CTIF: variants seen among roughly 807,000 people sequenced by gnomAD.
The protein encoded by CTIF is CBP80/20-dependent translation initiation factor.
Under a neutral mutation model 66.0 loss-of-function variants are expected in CTIF, and 21 were observed. That is an observed-to-expected ratio of 0.32 (90% confidence interval 0.23 to 0.46). The LOEUF (loss-of-function observed/expected upper bound fraction) is 0.46, where lower values mean the gene tolerates loss of function less well. Ranked by LOEUF, CTIF falls within the 20% of genes least tolerant of loss-of-function variation. The probability of loss-of-function intolerance (pLI) is 1.00; values close to 1 mark genes in which losing one functional copy is unlikely to be tolerated. For missense variants in CTIF, 739 were observed against 812.7 expected (o/e 0.91, Z 1.10); for synonymous variants, 345 against 326.4 (o/e 1.06, Z -0.62).
At chr18:48,713,879 C>T (rs1051861290) in intron 7 of CTIF, among the ~76,000 whole-genome samples, 5 of 152,206 alleles carry the variant, frequency 3.3e-5, no homozygotes, top group Non-Finnish European at 7.3e-5. Context: ...CAAGTCAGAG[C>T]AGCAGCCATG....
chr18:48,675,158 A>AGTG (rs1568125171), intron 6 of CTIF, among the ~76,000 whole-genome samples: 21 of 150,906 alleles, frequency 1.4e-4, no homozygotes, highest in Admixed American at 3.3e-4. Flanking sequence ...TAGGGCAGGC[A>AGTG]GACACTGAGA....
intron 9 of CTIF, among the ~76,000 whole-genome samples, chr18:48,787,628 G>C (rs567235598): frequency 1.3e-5 from 2 of 152,282 alleles, no homozygotes; most frequent in South Asian, 4.1e-4. Context: ...TCATGGTTGA[G>C]TCTGCCCCCT....
chr18:48,702,443 CCTT>C (rs369034577), intron 6 of CTIF, among the ~76,000 whole-genome samples: 5 of 152,178 alleles, frequency 3.3e-5, no homozygotes, highest in African/African-American at 1.2e-4. Flanking sequence ...TGAGTGAAGC[CCTT>C]CTTCTAGAAA....
intron 9 of CTIF, among the ~76,000 whole-genome samples, chr18:48,780,051 G>A (rs931826347): frequency 6.6e-6 from 1 of 152,164 alleles, no homozygotes; most frequent in African/African-American, 2.4e-5. Flanking sequence ...TCTCAGATGA[G>A]GCTGTGTACC....
At chr18:48,698,515 A>G (rs1045542403) in intron 6 of CTIF, among the ~76,000 whole-genome samples, 52 of 152,328 alleles carry the variant, frequency 3.4e-4, no homozygotes, top group African/African-American at 1.3e-3. Context: ...GTACAGCCCA[A>G]TTCTCCATTT....
chr18:48,614,679 G>C (rs528251367), intron 1 of CTIF, among the ~76,000 whole-genome samples: 1 of 152,318 alleles, frequency 6.6e-6, no homozygotes, highest in Non-Finnish European at 1.5e-5. Context: ...AATTCATAGA[G>C]AGAAGGGTGA....
At chr18:48,784,417 G>A (rs1599037947) in intron 9 of CTIF, among the ~76,000 whole-genome samples, 2 of 152,216 alleles carry the variant, frequency 1.3e-5, no homozygotes, top group African/African-American at 4.8e-5. Flanking sequence ...TGTGCACTGG[G>A]GGCTGAGGTG....
intron 7 of CTIF, among the ~76,000 whole-genome samples, chr18:48,726,071 A>G (rs2092384627): frequency 1.3e-5 from 2 of 152,328 alleles, no homozygotes; most frequent in South Asian, 4.1e-4. Context: ...ACCTTGTAAG[A>G]GTGTTCTGCA....
chr18:48,560,447 G>A (rs192764633), intron 1 of CTIF, among the ~76,000 whole-genome samples: 52 of 152,122 alleles, frequency 3.4e-4, no homozygotes, highest in Non-Finnish European at 6.2e-4. Context: ...GGATGGTCTC[G>A]ATCTCCTGAC....
chr18:48,839,008 G>A (rs756820522), intron 10 of CTIF, among the ~76,000 whole-genome samples: 26 of 152,142 alleles, frequency 1.7e-4, no homozygotes, highest in Non-Finnish European at 2.6e-4. Flanking sequence ...AGGCTGTGCC[G>A]GCTACAGCCC....
intron 1 of CTIF, among the ~76,000 whole-genome samples, chr18:48,540,492 C>A (rs1367733543): frequency 6.6e-6 from 1 of 150,760 alleles, no homozygotes; most frequent in Non-Finnish European, 1.5e-5. Context: ...CCGAGTGTTT[C>A]TCTATTGATG....
At chr18:48,856,219 G>A (rs1191809719) in intron 10 of CTIF, among the ~76,000 whole-genome samples, 2 of 152,206 alleles carry the variant, frequency 1.3e-5, no homozygotes, top group Non-Finnish European at 2.9e-5. Flanking sequence ...AGTGCTGCTG[G>A]GGCTTCAAGA....
chr18:48,563,066 G>A (rs1189149020), intron 1 of CTIF, among the ~76,000 whole-genome samples: 2 of 152,234 alleles, frequency 1.3e-5, no homozygotes, highest in African/African-American at 4.8e-5. Context: ...AGGAGCTTTA[G>A]CATAGCACCC....
At chr18:48,654,785 T>C (rs189740963) in intron 3 of CTIF, among the ~76,000 whole-genome samples, 2 of 152,316 alleles carry the variant, frequency 1.3e-5, no homozygotes, top group Admixed American at 6.5e-5. Flanking sequence ...CATGGAATAC[T>C]ATGCAACCAT....
At chr18:48,835,899 G>A (rs920246295) in intron 10 of CTIF, among the ~76,000 whole-genome samples, 3 of 150,450 alleles carry the variant, frequency 2.0e-5, no homozygotes, top group African/African-American at 7.4e-5. Context: ...AGAGAAGCCT[G>A]CCCTGATCAC....
intron 7 of CTIF, among the ~76,000 whole-genome samples, chr18:48,738,486 G>A (rs1466291990): frequency 6.6e-6 from 1 of 152,016 alleles, no homozygotes; most frequent in Admixed American, 6.6e-5. Context: ...CCGCCACCCT[G>A]CCTTCCTGGG....
intron 1 of CTIF, among the ~76,000 whole-genome samples, chr18:48,616,607 AATT>A (rs1265432278): frequency 2.0e-5 from 3 of 152,194 alleles, no homozygotes; most frequent in Non-Finnish European, 2.9e-5. Flanking sequence ...TAAGTAGCAT[AATT>A]ATGCCGATTC....
chr18:48,829,672 G>T (rs1040237494), intron 10 of CTIF, among the ~76,000 whole-genome samples: 29 of 152,194 alleles, frequency 1.9e-4, no homozygotes, highest in African/African-American at 6.5e-4. Flanking sequence ...GCATAAGCAC[G>T]CTGGGGTCCC....
chr18:48,564,911 G>A (rs1004204685), intron 1 of CTIF: 6 of 152,136 alleles, frequency 3.9e-5, no homozygotes, highest in African/African-American at 1.2e-4. Context: ...GAGCCACCAA[G>A]CCTGGTCGGC....
Sources: allele counts gnomAD v4.1 joint callset (sites outside exome capture counted in the v4.1 genomes callset), GRCh38; gene constraint gnomAD v4.1.1; transcripts MANE v1.5; gene names NCBI Gene and HGNC (gene_info 2026-07-23, HGNC 2026-07-21).